Variants in LRRC61 observed in about 807,000 individuals in gnomAD.
LRRC61 encodes the protein leucine rich repeat containing 61, also known as leucine-rich repeat-containing protein 61.
A neutral mutation model predicts 15.1 loss-of-function variants in LRRC61; 9 were observed. The observed-to-expected ratio is 0.60, with a 90% CI of 0.36 to 1.04. The LOEUF is 1.04. Ranked by LOEUF, LRRC61 falls within the 50% of genes least tolerant of loss-of-function variation. The pLI is 0.01. For synonymous variants in LRRC61, 173 were observed against 158.6 expected (o/e 1.09, Z -0.68); for missense variants, 344 against 335.6 (o/e 1.03, Z -0.20).
chr7:150,333,856 G>C lies in LRRC61; in HGVS notation c.-144-2862G>C. The C allele has an allele frequency of 1.0e-6, 1 of 976,404 alleles. No homozygotes were observed. Among genetic ancestry groups the C allele is most frequent in the South Asian group, 4.7e-5 (1 of 21,080 alleles). The allele number at this position is 976,404 out of a possible 1,614,324, so 60.5% of individuals were successfully genotyped here. A position where few individuals can be genotyped will look rare whatever the true frequency, so the allele number is the denominator to read the frequency against. On this transcript the variant is annotated intron_variant, in intron 2 of 2. Coordinates refer to ENST00000359623, the MANE Select transcript of LRRC61 (RefSeq NM_001142928.2). This position sits in a 1 kb window ranked among gnomAD's most constrained non-coding sequence, Gnocchi z 4.3. ...CGCCGGCTGGTTCTCAGTCCTACTG[G>C]GCTACCTGTTTGCAGTGTGCAGGTG... is the stretch of plus-strand genomic sequence containing the variant.
chr7:150,323,848 C>T, intron 1 of LRRC61: 2 of 385,918 alleles, frequency 5.2e-6, no homozygotes, highest in Admixed American at 5.6e-5. Flanking sequence ...TGTGCTGGAG[C>T]AGGATCACGG....
the LRRC61 span, among the ~76,000 whole-genome samples, chr7:150,310,809 ACTT>A: frequency 6.6e-6 from 1 of 152,014 alleles, no homozygotes; most frequent in Admixed American, 6.5e-5. Context: ...ATGTTGATGA[ACTT>A]CTTCTTTGCA....
rs753550496 is a variant in LRRC61 at position 150,335,970 on chromosome 7, C to T, written c.-144-748C>T. 1.3e-5 allele frequency among the ~76,000 whole-genome samples: 2 copies of T among 152,194 alleles called. No individual in the cohort carries two copies. The highest frequency in any genetic ancestry group is 2.9e-5 in the Non-Finnish European group (2 of 68,036). On this transcript the variant is annotated intron_variant, in intron 2 of 2. Transcript: ENST00000359623. The surrounding 1 kb of genome is among the most constrained non-coding windows in gnomAD (Gnocchi z 4.3). ...GCAGCTGGCACCGTGCTGTCTGGCA[C>T]GTATATCAGTGCTGTTCCATTGATC...
the LRRC61 span, among the ~76,000 whole-genome samples, chr7:150,312,901 G>A: frequency 6.6e-6 from 1 of 152,200 alleles, no homozygotes; most frequent in Non-Finnish European, 1.5e-5. Context: ...GAGCCAAGAA[G>A]TCTGGAGCAG....
rs1216459402 is a variant in LRRC61, at chr7:150,336,946, T to G, written c.85T>G (p.Ser29Ala). 3 of 1,613,918 alleles carry G rather than the reference T, an allele frequency of 1.9e-6. No individual in the cohort carries two copies. In the South Asian group the frequency reaches 3.3e-5, roughly 18 times the overall value. ...QLLKSRTGEF[S>A]LESILLLKLR... ...GCTGAAGTCACGCACAGGCGAGTTC[T>G]CCCTGGAGTCCATCCTGCTACTGAA... The change falls in exon 3 of 3, where the codon TCC becomes GCC. Residue 29 changes from serine to alanine, a missense_variant. By Grantham distance (99) the Ser-to-Ala change is moderately conservative. Transcript: ENST00000359623.
the LRRC61 span, among the ~76,000 whole-genome samples, chr7:150,317,512 C>T: frequency 2.0e-5 from 3 of 152,198 alleles, no homozygotes; most frequent in Admixed American, 6.5e-5. Flanking sequence ...AATCAAGTCA[C>T]TTGAAATGAT....
chr7:150,337,786 CCCCTCCCCACCAT>C lies in LRRC61; in HGVS notation c.*152_*164del. 1.2e-6 allele frequency: 1 copy of C among 838,182 alleles called. No homozygotes were observed. Among genetic ancestry groups the C allele is most frequent in the East Asian group, 2.8e-5 (1 of 36,136 alleles). The allele number at this position is 838,182 out of a possible 1,614,324, so 51.9% of individuals were successfully genotyped here. On this transcript the variant is annotated 3_prime_UTR_variant, in exon 3 of 3. Coordinates refer to ENST00000359623, the MANE Select transcript of LRRC61 (RefSeq NM_001142928.2). ...TGCTTTATCCCTATCCTGAGAGCAG[CCCCTCCCCACCAT>C]CCCTCCACATGCTGCAAGGACAGAC...
At chr7:150,327,664 TAAAAG>T (rs149989429) in intron 2 of LRRC61, among the ~76,000 whole-genome samples, 2,817 of 151,838 alleles carry the variant, frequency 0.019, 85 homozygotes, top group African/African-American at 0.064. Context: ...ACAAAAAAAT[TAAAAG>T]AATTAGTCAG....
At chr7:150,318,514 A>G (rs1797167544), upstream of LRRC61, among the ~76,000 whole-genome samples, 1 of 152,228 alleles carries the variant, frequency 6.6e-6, no homozygotes, top group African/African-American at 2.4e-5. Flanking sequence ...CTGTAATCCC[A>G]GCACTTTGGG....
intron 2 of LRRC61, chr7:150,334,163 C>G (rs1585047621): frequency 2.1e-6 from 2 of 973,552 alleles, no homozygotes; most frequent in East Asian, 2.3e-4. Flanking sequence ...GCCATCATCT[C>G]CATCTAAAAA....
At chr7:150,312,147 C>T in the LRRC61 span, among the ~76,000 whole-genome samples, 2 of 152,304 alleles carry the variant, frequency 1.3e-5, no homozygotes, top group South Asian at 4.1e-4. Flanking sequence ...TGCTAATATT[C>T]CAGCCCCCAC....
intron 2 of LRRC61, among the ~76,000 whole-genome samples, chr7:150,334,890 C>T (rs1264116199): frequency 2.0e-5 from 3 of 152,052 alleles, no homozygotes; most frequent in South Asian, 2.1e-4. Context: ...ATGGTGGTGG[C>T]GGGTGCCTGT....
chr7:150,314,984 TTAA>T, the LRRC61 span, among the ~76,000 whole-genome samples: 16 of 147,460 alleles, frequency 1.1e-4, no homozygotes, highest in East Asian at 3.9e-4. Context: ...AGTATTATTT[TTAA>T]TAATATTATT....
chr7:150,315,956 G>A, the LRRC61 span, among the ~76,000 whole-genome samples: 7 of 152,154 alleles, frequency 4.6e-5, no homozygotes, highest in South Asian at 2.1e-4. Context: ...CCAGCACTTC[G>A]GGAGGCCGAG....
At position 150,325,892 on chromosome 7, in the gene LRRC61, C is replaced by G. The variant is rs1585040625; in HGVS notation, c.-263C>G. The G allele has an allele frequency of 6.6e-6, 1 of 152,668 alleles. No homozygotes were observed. Among genetic ancestry groups the G allele is most frequent in the Non-Finnish European group, 1.5e-5 (1 of 68,044 alleles). 9.5% of individuals were successfully genotyped at this position (152,668 alleles called of 1,614,324 possible). On this transcript the variant is annotated 5_prime_UTR_variant, in exon 2 of 3. Coordinates refer to ENST00000359623, the MANE Select transcript of LRRC61 (RefSeq NM_001142928.2). ...CAACAGTGCCAGCTGCACTGTCATC[C>G]TAAAGTACTTCTGTGGAAGAGAACA... is the stretch of plus-strand genomic sequence containing the variant.
Position 150,330,518 on chromosome 7 carries a change from T to C in LRRC61, c.-145+4508T>C, listed in dbSNP as rs757989158. The C allele has an allele frequency of 1.3e-6, 1 of 779,274 alleles. No homozygotes were observed. The highest frequency in any genetic ancestry group is 2.4e-6 in the Non-Finnish European group (1 of 417,372). The allele number at this position is 779,274 out of a possible 1,614,324, so 48.3% of individuals were successfully genotyped here. A position where few individuals can be genotyped will look rare whatever the true frequency, so the allele number is the denominator to read the frequency against. ...TTCACACACACTTTCAGGAGCAGAG[T>C]GTCGGGGAGAGGGGCGCAGCCATCC... On this transcript the variant is annotated intron_variant, in intron 2 of 2. Coordinates refer to ENST00000359623, the MANE Select transcript of LRRC61 (RefSeq NM_001142928.2). The surrounding 1 kb of genome is among the most constrained non-coding windows in gnomAD (Gnocchi z 4.6).
the LRRC61 span, among the ~76,000 whole-genome samples, chr7:150,315,047 C>A: frequency 6.9e-6 from 1 of 143,930 alleles, no homozygotes; most frequent in South Asian, 2.2e-4. Context: ...TTAATAATTA[C>A]TTTTATTATT....
rs1284655947 is a variant in LRRC61, at chr7:150,337,824, C to T, written c.*183C>T. 1.5e-6 allele frequency: 1 copy of T among 681,812 alleles called. No individual in the cohort carries two copies. The highest frequency in any genetic ancestry group is 1.8e-5 in the African/African-American group (1 of 55,094). 42.2% of individuals were successfully genotyped at this position (681,812 alleles called of 1,614,324 possible). A position where few individuals can be genotyped will look rare whatever the true frequency, so the allele number is the denominator to read the frequency against. On this transcript the variant is annotated 3_prime_UTR_variant, in exon 3 of 3. Transcript: ENST00000359623. ...TCCCTCCACATGCTGCAAGGACAGACTGAAGGGCTGTGAGCAGGTGTAAGG... is the reference window on the plus strand; with the variant it reads ...TCCCTCCACATGCTGCAAGGACAGATTGAAGGGCTGTGAGCAGGTGTAAGG...
In LRRC61 at chr7:150,333,513, T is replaced by C. The variant is rs965600076; in HGVS notation, c.-144-3205T>C. Reference sequence around the variant, plus strand: ...GCCTCCAGTCCACCCGAGGCTGCTCTGGGTTGAAGCGTTCCTCCCCCTAGA... The same window carrying C: ...GCCTCCAGTCCACCCGAGGCTGCTCCGGGTTGAAGCGTTCCTCCCCCTAGA... On this transcript the variant is annotated intron_variant, in intron 2 of 2. Coordinates refer to ENST00000359623, the MANE Select transcript of LRRC61 (RefSeq NM_001142928.2). This position sits in a 1 kb window ranked among gnomAD's most constrained non-coding sequence, Gnocchi z 4.3. Among the ~76,000 whole-genome samples, 2 of 152,248 alleles carry C rather than the reference T, an allele frequency of 1.3e-5. No homozygotes were observed. The highest frequency in any genetic ancestry group is 6.5e-5 in the Admixed American group (1 of 15,288).
Sources: gnomAD v4.1 joint callset for allele counts (sites outside exome capture counted in the v4.1 genomes callset) on GRCh38, gnomAD v4.1.1 for gene constraint, Gnocchi (gnomAD v3.1) non-coding constraint, MANE v1.5 for transcripts, NCBI Gene and HGNC (gene_info 2026-07-23, HGNC 2026-07-21) for gene names.